TAFA1: variants seen among roughly 807,000 people sequenced by gnomAD.
The protein encoded by TAFA1 is TAFA chemokine like family member 1, also known as chemokine-like protein TAFA-1.
A neutral mutation model predicts 18.5 loss-of-function variants in TAFA1; 4 were observed. The observed-to-expected ratio is 0.22, with a 90% CI of 0.11 to 0.49. TAFA1 has a LOEUF of 0.49. Ranked by LOEUF, TAFA1 falls within the 20% of genes least tolerant of loss-of-function variation. The pLI is 0.98. For synonymous variants in TAFA1, 56 were observed against 55.2 expected (o/e 1.01, Z -0.06); for missense variants, 147 against 169.0 (o/e 0.87, Z 0.72).
At chr3:68,380,027 C>T (rs532814012) in intron 2 of TAFA1, among the ~76,000 whole-genome samples, 482 of 150,690 alleles carry the variant, frequency 3.2e-3, no homozygotes, top group Non-Finnish European at 5.6e-3. Flanking sequence ...TTTGGTTTTT[C>T]GTCCTTGGCA....
intron 2 of TAFA1, among the ~76,000 whole-genome samples, chr3:68,073,046 T>C (rs1257308338): frequency 6.6e-6 from 1 of 152,192 alleles, no homozygotes. Flanking sequence ...GAGAAAATTC[T>C]GTGTGCAATG....
intron 2 of TAFA1, among the ~76,000 whole-genome samples, chr3:68,190,541 A>G (rs1288029552): frequency 6.6e-6 from 1 of 151,908 alleles, no homozygotes; most frequent in South Asian, 2.1e-4. Context: ...GTCATTTGGA[A>G]TCTGGGTAAA....
chr3:68,279,541 A>C (rs967607265), intron 2 of TAFA1, among the ~76,000 whole-genome samples: 22 of 152,146 alleles, frequency 1.4e-4, no homozygotes, highest in African/African-American at 5.3e-4. Flanking sequence ...CTGGTGAAAG[A>C]GATTGATGTA....
At chr3:68,526,914 T>A (rs1022125298) in intron 3 of TAFA1, among the ~76,000 whole-genome samples, 1 of 152,178 alleles carries the variant, frequency 6.6e-6, no homozygotes, top group African/African-American at 2.4e-5. Context: ...AAAAAACATT[T>A]GTTCTTCAAC....
intron 2 of TAFA1, among the ~76,000 whole-genome samples, chr3:68,034,110 A>G (rs150708679): frequency 0.01 from 1,549 of 152,252 alleles, 30 homozygotes; most frequent in African/African-American, 0.035. Context: ...GCTACCCATA[A>G]CCACCTCCAG....
intron 2 of TAFA1, among the ~76,000 whole-genome samples, chr3:68,308,972 C>T (rs2068470098): frequency 6.6e-6 from 1 of 152,146 alleles, no homozygotes; most frequent in Admixed American, 6.5e-5. Flanking sequence ...ACCGTTATAC[C>T]AGTTGCTTCA....
intron 2 of TAFA1, among the ~76,000 whole-genome samples, chr3:68,268,579 G>T: frequency 6.6e-6 from 1 of 152,134 alleles, no homozygotes; most frequent in African/African-American, 2.4e-5. Context: ...AGGTGAAAGG[G>T]ATAGCAAAGA....
At chr3:68,121,705 T>G (rs1162724627) in intron 2 of TAFA1, among the ~76,000 whole-genome samples, 1 of 152,186 alleles carries the variant, frequency 6.6e-6, no homozygotes, top group Admixed American at 6.5e-5. Flanking sequence ...AATTTACTAT[T>G]TTGTTCAACA....
intron 2 of TAFA1, among the ~76,000 whole-genome samples, chr3:68,052,450 G>A (rs536111261): frequency 1.3e-5 from 2 of 152,140 alleles, no homozygotes; most frequent in Non-Finnish European, 2.9e-5. Flanking sequence ...TCTAACCCAC[G>A]TGGAACTTTG....
intron 2 of TAFA1, among the ~76,000 whole-genome samples, chr3:68,275,606 G>A (rs1475964527): frequency 6.6e-6 from 1 of 151,790 alleles, no homozygotes; most frequent in Non-Finnish European, 1.5e-5. Flanking sequence ...AACAAAAATG[G>A]GATAGAGCAA....
intron 2 of TAFA1, among the ~76,000 whole-genome samples, chr3:68,196,762 G>C (rs922325128): frequency 6.6e-6 from 1 of 151,722 alleles, no homozygotes; most frequent in Non-Finnish European, 1.5e-5. Flanking sequence ...ATCCATGCCT[G>C]CTGAGTGACC....
In TAFA1 at chr3:68,311,790, G is replaced by C. The variant is rs11714546; in HGVS notation, c.119-105490G>C. Among the ~76,000 whole-genome samples the C allele has an allele frequency of 1.4e-3, 207 of 152,328 alleles. 1 individual carries two copies. Among genetic ancestry groups the C allele is most frequent in the Non-Finnish European group, 2.5e-3 (168 of 68,034 alleles). ...CTGTTGGTGGATCTGCCATTCTGGGGTCTGGAGGACGGTGGCCCTCTTCTC... is the reference window on the plus strand; with the variant it reads ...CTGTTGGTGGATCTGCCATTCTGGGCTCTGGAGGACGGTGGCCCTCTTCTC... On this transcript the variant is annotated intron_variant, in intron 2 of 4. Transcript: ENST00000478136.
chr3:68,402,573 T>C (rs2070518833), intron 2 of TAFA1, among the ~76,000 whole-genome samples: 1 of 152,152 alleles, frequency 6.6e-6, no homozygotes, highest in African/African-American at 2.4e-5. Context: ...GCAACACAAA[T>C]CAGAATTACT....
intron 3 of TAFA1, among the ~76,000 whole-genome samples, chr3:68,489,405 A>C (rs1510359): frequency 0.79 from 119,875 of 152,148 alleles, 47,578 homozygotes; most frequent in African/African-American, 0.89. Context: ...TAAATGTTTA[A>C]AGCTAATTTA....
chr3:68,473,386 A>G (rs185929223), intron 3 of TAFA1, among the ~76,000 whole-genome samples: 18 of 152,342 alleles, frequency 1.2e-4, no homozygotes, highest in Admixed American at 1.2e-3. Flanking sequence ...ACAATCCACA[A>G]CAGATAGAAA....
At chr3:68,117,504 T>C (rs1416371206) in intron 2 of TAFA1, among the ~76,000 whole-genome samples, 3 of 152,234 alleles carry the variant, frequency 2.0e-5, no homozygotes, top group African/African-American at 7.2e-5. Context: ...GTACACTATC[T>C]TTCAATAGAT....
intron 2 of TAFA1, among the ~76,000 whole-genome samples, chr3:68,386,749 T>G (rs921499150): frequency 6.6e-6 from 1 of 152,164 alleles, no homozygotes; most frequent in Non-Finnish European, 1.5e-5. Flanking sequence ...CTGTAGCTAG[T>G]AGGTGTGAAG....
At chr3:68,223,261 T>C (rs546218270) in intron 2 of TAFA1, among the ~76,000 whole-genome samples, 48 of 152,202 alleles carry the variant, frequency 3.2e-4, no homozygotes, top group Non-Finnish European at 5.7e-4. Flanking sequence ...TTTCCACTTA[T>C]ACTTGAAAGG....
intron 2 of TAFA1, among the ~76,000 whole-genome samples, chr3:68,241,365 A>T (rs1366052075): frequency 6.6e-6 from 1 of 152,134 alleles, no homozygotes; most frequent in Non-Finnish European, 1.5e-5. Flanking sequence ...TAGCCCAATT[A>T]CCTTCTGGGG....
Sources: gnomAD v4.1 joint callset for allele counts (sites outside exome capture counted in the v4.1 genomes callset) on GRCh38, gnomAD v4.1.1 for gene constraint, MANE v1.5 for transcripts, NCBI Gene and HGNC (gene_info 2026-07-23, HGNC 2026-07-21) for gene names.